The following HPN variants were observed in gnomAD, a reference collection of about 807,000 sequenced individuals.
The protein encoded by HPN is serine protease hepsin.
In HPN, 13 loss-of-function variants were observed where a neutral mutation model predicts 55.9. That is an observed-to-expected ratio of 0.23 (90% CI 0.15 to 0.37). The LOEUF (loss-of-function observed/expected upper bound fraction) is 0.37, where lower values mean the gene tolerates loss of function less well. HPN is among the 10% of genes least tolerant of loss of function. The pLI, the probability that HPN is intolerant of heterozygous loss-of-function variation, is 1.00. For missense variants in HPN, 451 were observed against 575.8 expected, an observed-to-expected ratio of 0.78 and a Z score of 2.22; for synonymous variants, 225 against 240.3, an observed-to-expected ratio of 0.94 and a Z score of 0.59.
upstream of HPN, among the ~76,000 whole-genome samples, chr19:35,041,224 G>C (rs2064290058): frequency 6.6e-6 from 1 of 152,180 alleles, no homozygotes; most frequent in Non-Finnish European, 1.5e-5. Context: ...AACCAGCCCC[G>C]TGACTTGTAG....
At position 35,065,257 on chromosome 19, in the gene HPN, C is replaced by A. The variant is rs1470574839; in HGVS notation, c.819C>A (p.Ile273=). 6.2e-7 allele frequency: 1 copy of A among 1,612,558 alleles called. No homozygotes were observed. Residue 273 remains isoleucine (I), a synonymous_variant, in exon 10 of 13, where the codon ATC becomes ATA. Coordinates refer to ENST00000672452, the MANE Select transcript of HPN (RefSeq NM_001384133.1). The part of the protein sequence containing the change: ...LSSPLPLTEY[I]QPVCLPAAGQ... ...GCATTGTCTCTCTCACAGAATACAT[C>A]CAGCCTGTGTGCCTCCCAGCTGCCG...
At chr19:35,040,850 G>C (rs1339954921), upstream of HPN, among the ~76,000 whole-genome samples, 2 of 152,208 alleles carry the variant, frequency 1.3e-5, no homozygotes, top group African/African-American at 4.8e-5. Flanking sequence ...AAATGGGTGC[G>C]GTGGAGGTGG....
chr19:35,053,699 C>T (rs980763449), intron 4 of HPN, among the ~76,000 whole-genome samples: 2 of 152,144 alleles, frequency 1.3e-5, no homozygotes, highest in African/African-American at 4.8e-5. Flanking sequence ...GAGCTGAGAT[C>T]GTGCCACTGC....
At chr19:35,048,896 A>G (rs988065173) in intron 2 of HPN, among the ~76,000 whole-genome samples, 19 of 152,226 alleles carry the variant, frequency 1.2e-4, no homozygotes, top group African/African-American at 4.6e-4. Flanking sequence ...TGCCAGCGGC[A>G]GGGAAGAGAG....
chr19:35,058,445 T>C (rs1424693198), intron 4 of HPN, among the ~76,000 whole-genome samples: 1 of 148,826 alleles, frequency 6.7e-6, no homozygotes, highest in East Asian at 1.9e-4. Context: ...CCCAAATAAA[T>C]ACATATTTTA....
chr19:35,041,689 C>CAGA, upstream of HPN: 18 of 385,726 alleles, frequency 4.7e-5, no homozygotes, highest in Non-Finnish European at 6.4e-5. Flanking sequence ...CCCGCCCCTT[C>CAGA]ACCCGCCCCT....
intron 4 of HPN, 135 bp from the exon 5 acceptor site, chr19:35,059,538 G>A: frequency 8.7e-7 from 1 of 1,150,422 alleles, no homozygotes; most frequent in Non-Finnish European, 1.3e-6. Context: ...TGTGGGGGCT[G>A]CAACCCTCCG....
At position 35,049,398 on chromosome 19, in the gene HPN, G is replaced by A; in HGVS notation, c.118+7G>A. ...GCGGCATCCTGGGCCATTGGTGAGAGCGGTTCCTGTGCCTCTGACCTCCCC... is the reference window on the plus strand; with the variant it reads ...GCGGCATCCTGGGCCATTGGTGAGAACGGTTCCTGTGCCTCTGACCTCCCC... On this transcript the variant is annotated splice_region_variant and intron_variant, in intron 3 of 12. Coordinates refer to ENST00000672452, the MANE Select transcript of HPN (RefSeq NM_001384133.1). 1 of 1,608,952 alleles carries A rather than the reference G, an allele frequency of 6.2e-7. No homozygotes were observed. The highest frequency in any genetic ancestry group is 8.5e-7 in the Non-Finnish European group (1 of 1,177,114).
chr19:35,042,333 G>C, intron 1 of HPN, 120 bp from the exon 2 acceptor site: 6 of 1,419,176 alleles, frequency 4.2e-6, no homozygotes, highest in Non-Finnish European at 5.5e-6. Flanking sequence ...TGATCACGGC[G>C]TGCTCTGGCC....
At chr19:35,052,227 A>C (rs969769682) in intron 4 of HPN, among the ~76,000 whole-genome samples, 1 of 152,144 alleles carries the variant, frequency 6.6e-6, no homozygotes. Context: ...AGAGGAGATA[A>C]AAATCTGTGT....
chr19:35,059,313 AAAAC>A (rs930602104), intron 4 of HPN: 19 of 381,930 alleles, frequency 5.0e-5, no homozygotes, highest in African/African-American at 2.3e-4. Flanking sequence ...AAAACAAAAC[AAAAC>A]AAACAAACAA....
chr19:35,046,876 T>C (rs1016058434), intron 2 of HPN, among the ~76,000 whole-genome samples: 4 of 152,144 alleles, frequency 2.6e-5, no homozygotes, highest in Admixed American at 2.0e-4. Context: ...TCGCCCAAGC[T>C]GAAGTGCAGT....
At chr19:35,043,080 A>G (rs376135322) in intron 2 of HPN, among the ~76,000 whole-genome samples, 42 of 152,268 alleles carry the variant, frequency 2.8e-4, no homozygotes, top group African/African-American at 9.9e-4. Flanking sequence ...CTGTCATGAC[A>G]GAGGTTGGCA....
At chr19:35,048,345 A>G (rs1361629382) in intron 2 of HPN, among the ~76,000 whole-genome samples, 1 of 152,226 alleles carries the variant, frequency 6.6e-6, no homozygotes, top group Non-Finnish European at 1.5e-5. Context: ...TCTCTGAGCT[A>G]TCTCAAAAAC....
At chr19:35,055,607 CTCTCCAAAATCTGAACTCT>C (rs2064447139) in intron 4 of HPN, among the ~76,000 whole-genome samples, 1 of 152,002 alleles carries the variant, frequency 6.6e-6, no homozygotes, top group African/African-American at 2.4e-5. Context: ...CCTACAGAAC[CTCTCCAAAATCTGAACTCT>C]TCTCCCCGTC....
At position 35,053,272 on chromosome 19, in the gene HPN, C is replaced by T. The variant is rs368195414; in HGVS notation, c.160+3756C>T. Among the ~76,000 whole-genome samples, 323 of 152,138 alleles carry T rather than the reference C, an allele frequency of 2.1e-3. 1 individual carries two copies. The highest frequency in any genetic ancestry group is 7.2e-3 in the African/African-American group (300 of 41,488). On this transcript the variant is annotated intron_variant, in intron 4 of 12. Coordinates refer to ENST00000672452, the MANE Select transcript of HPN (RefSeq NM_001384133.1). ...TATAAAGTGATTTTCCCCCCTAAAA[C>T]CTCACACTTTCTGGAAATCACATTT... is the stretch of plus-strand genomic sequence containing the variant.
rs766292126 is a variant in HPN, at chr19:35,065,314, C to T, written c.876C>T (p.Thr292=). 142 of 1,613,832 alleles carry T rather than the reference C, an allele frequency of 8.8e-5. No homozygotes were observed. Among genetic ancestry groups the T allele is most frequent in the Middle Eastern group, 1.6e-4 (1 of 6,082 alleles). ...CCCTGGTGGATGGCAAGATCTGTACCGTGACGGGCTGGGGCAACACGCAGT... is the reference window on the plus strand; with the variant it reads ...CCCTGGTGGATGGCAAGATCTGTACTGTGACGGGCTGGGGCAACACGCAGT... ...GQALVDGKIC[T]VTGWGNTQYY... The change falls in exon 10 of 13, where the codon ACC becomes ACT. Residue 292 remains threonine, a synonymous_variant. Transcript: ENST00000672452.
At chr19:35,050,283 C>T (rs1182715204) in intron 4 of HPN, among the ~76,000 whole-genome samples, 4 of 152,118 alleles carry the variant, frequency 2.6e-5, no homozygotes, top group African/African-American at 9.7e-5. Flanking sequence ...CCACCATGCC[C>T]AGTTAATTTT....
At chr19:35,050,880 T>C (rs1213738492) in intron 4 of HPN, among the ~76,000 whole-genome samples, 1 of 151,866 alleles carries the variant, frequency 6.6e-6, no homozygotes, top group African/African-American at 2.4e-5. Context: ...CCTGTTGTTT[T>C]TCTTTTCTTT....
Sources: gnomAD v4.1 joint callset for allele counts (sites outside exome capture counted in the v4.1 genomes callset) on GRCh38, gnomAD v4.1.1 for gene constraint, MANE v1.5 for transcripts, NCBI Gene and HGNC (gene_info 2026-07-23, HGNC 2026-07-21) for gene names.